The following TDRD3 variants were observed in gnomAD, a reference collection of about 807,000 sequenced individuals.
TDRD3 encodes the protein tudor domain containing 3, also known as tudor domain-containing protein 3.
A neutral mutation model predicts 86.7 loss-of-function variants in TDRD3; 45 were observed. The ratio of observed to expected loss-of-function variants is 0.52; its 90% CI spans 0.41 to 0.67. The LOEUF (loss-of-function observed/expected upper bound fraction) is 0.67. Among genes scored for constraint, TDRD3 ranks in the 30% least tolerant of loss-of-function variants. The pLI is 0.00. For missense variants in TDRD3, 814 were observed against 889.0 expected (o/e 0.92, Z 1.07); for synonymous variants, 298 against 301.7 (o/e 0.99, Z 0.13).
intron 4 of TDRD3, among the ~76,000 whole-genome samples, chr13:60,464,343 G>T (rs933145198): frequency 6.6e-6 from 1 of 152,136 alleles, no homozygotes; most frequent in African/African-American, 2.4e-5. Context: ...AAACGGTATG[G>T]CGGTTCCTAA....
intron 10 of TDRD3, among the ~76,000 whole-genome samples, chr13:60,521,591 T>G (rs1302209001): frequency 6.6e-6 from 1 of 152,150 alleles, no homozygotes; most frequent in Non-Finnish European, 1.5e-5. Context: ...GAGTCTACTT[T>G]TTGTTAAAAA....
intron 11 of TDRD3, among the ~76,000 whole-genome samples, 154 bp from the exon 12 acceptor site, chr13:60,534,954 G>A (rs958808205): frequency 1.0e-4 from 15 of 144,768 alleles, no homozygotes; most frequent in Admixed American, 6.9e-5. Flanking sequence ...AAAAAGAATT[G>A]TCTTACTAAT....
At chr13:60,520,673 A>G (rs969226321) in intron 10 of TDRD3, among the ~76,000 whole-genome samples, 1 of 152,192 alleles carries the variant, frequency 6.6e-6, no homozygotes, top group Non-Finnish European at 1.5e-5. Context: ...TCCACAGGAT[A>G]GAGGGCAATG....
chr13:60,504,026 A>G (rs1956886299), intron 8 of TDRD3, among the ~76,000 whole-genome samples: 1 of 152,236 alleles, frequency 6.6e-6, no homozygotes, highest in Non-Finnish European at 1.5e-5. Flanking sequence ...TCAATTTATG[A>G]AAAGATCATA....
At chr13:60,533,054 C>A (rs950124018) in intron 11 of TDRD3, among the ~76,000 whole-genome samples, 2 of 152,036 alleles carry the variant, frequency 1.3e-5, no homozygotes, top group Admixed American at 6.5e-5. Context: ...TTTGGCAACT[C>A]AGAACAATTC....
chr13:60,545,525 T>A (rs2137871832), intron 12 of TDRD3, among the ~76,000 whole-genome samples: 1 of 152,272 alleles, frequency 6.6e-6, no homozygotes, highest in Admixed American at 6.5e-5. Flanking sequence ...TTTAGGGACA[T>A]GTAATTTTAA....
Position 60,510,007 on chromosome 13 carries a change from G to A in TDRD3, c.1015+88G>A, listed in dbSNP as rs1957023580. ...TGACAGAGGCTGTTATTTCTGTGAGGGCTGTAATTTTGTTTAACATTATGG... is the reference window on the plus strand; with the variant it reads ...TGACAGAGGCTGTTATTTCTGTGAGAGCTGTAATTTTGTTTAACATTATGG... On this transcript the variant is annotated intron_variant, in intron 9 of 13. Coordinates refer to ENST00000377881, the MANE Select transcript of TDRD3 (RefSeq NM_001146070.2). 3 of 1,476,178 alleles carry A rather than the reference G, an allele frequency of 2.0e-6. No homozygotes were observed. In the South Asian group the frequency reaches 4.2e-5, roughly 20 times the overall value. 91.4% of individuals were successfully genotyped at this position (1,476,178 alleles called of 1,614,324 possible).
intron 10 of TDRD3, among the ~76,000 whole-genome samples, chr13:60,523,789 C>T (rs1188078345): frequency 2.0e-5 from 3 of 151,934 alleles, no homozygotes; most frequent in African/African-American, 7.3e-5. Flanking sequence ...GTTGGCCAGA[C>T]TAGTTTTGAA....
chr13:60,509,746 C>G lies in TDRD3; in HGVS notation c.859-17C>G. On this transcript the variant is annotated splice_polypyrimidine_tract_variant and intron_variant, in intron 8 of 13. Coordinates refer to ENST00000377881, the MANE Select transcript of TDRD3 (RefSeq NM_001146070.2). ...ATCTGTGGGCTATCAGCCAGCTTTT[C>G]TCTTTATTCCTTCCAGGTTGATGAG... 6.2e-7 allele frequency: 1 copy of G among 1,613,218 alleles called. No individual in the cohort carries two copies. The highest frequency in any genetic ancestry group is 8.5e-7 in the Non-Finnish European group (1 of 1,179,378).
chr13:60,411,403 T>C (rs1811085857), intron 1 of TDRD3, among the ~76,000 whole-genome samples: 1 of 152,224 alleles, frequency 6.6e-6, no homozygotes, highest in Non-Finnish European at 1.5e-5. Flanking sequence ...AACAGAGCCT[T>C]GACATTTTTA....
In TDRD3 at chr13:60,496,140, C is replaced by G. The variant is rs571980416; in HGVS notation, c.858+1565C>G. On this transcript the variant is annotated intron_variant, in intron 8 of 13. Transcript: ENST00000377881. ...AGACAGACTGGCCTAGGCTCCCAGC[C>G]TACATCTTTATCCTGTGCTGGATGC... Among the ~76,000 whole-genome samples the G allele has an allele frequency of 1.6e-4, 24 of 151,418 alleles. 1 individual carries two copies. The East Asian group carries it at 4.7e-3, about 30-fold the overall frequency.
intron 1 of TDRD3, among the ~76,000 whole-genome samples, chr13:60,429,377 A>G (rs991218359): frequency 6.6e-5 from 10 of 152,296 alleles, no homozygotes; most frequent in African/African-American, 2.2e-4. Context: ...AGTTTGAATG[A>G]CATTAAATAA....
At position 60,510,742 on chromosome 13, in the gene TDRD3, T is replaced by G. The variant is rs1442276521; in HGVS notation, c.1128T>G (p.Thr376=). ...LFDFLESKMG[T]LNVEEPKSQP... ...ATTTCTTGGAATCTAAAATGGGAAC[T>G]TTGAATGTGGAAGGTAAGCTAATTT... Residue 376 remains threonine (T), a synonymous_variant, in exon 10 of 14, where the codon ACT becomes ACG. Transcript: ENST00000377881. The G allele has an allele frequency of 6.4e-7, 1 of 1,571,852 alleles. No homozygotes were observed. The highest frequency in any genetic ancestry group is 8.6e-7 in the Non-Finnish European group (1 of 1,160,098).
At chr13:60,510,311 C>G (rs1345856245) in intron 9 of TDRD3, among the ~76,000 whole-genome samples, 1 of 152,036 alleles carries the variant, frequency 6.6e-6, no homozygotes, top group Non-Finnish European at 1.5e-5. Context: ...ATTGCATGGT[C>G]AAGTTTCTTA....
At chr13:60,562,033 G>C (rs1958346099) in intron 12 of TDRD3, among the ~76,000 whole-genome samples, 1 of 152,180 alleles carries the variant, frequency 6.6e-6, no homozygotes, top group Non-Finnish European at 1.5e-5. Flanking sequence ...AGCTGAGGCT[G>C]GGTGCAGTGG....
At chr13:60,456,165 G>A (rs1955665405) in intron 3 of TDRD3, among the ~76,000 whole-genome samples, 1 of 151,568 alleles carries the variant, frequency 6.6e-6, no homozygotes, top group African/African-American at 2.4e-5. Flanking sequence ...ATTGTTTTAA[G>A]TGTTTATCCA....
Position 60,483,825 on chromosome 13 carries a change from G to T in TDRD3, c.546G>T (p.Pro182=), listed in dbSNP as rs770819975. The change falls in exon 6 of 14, where the codon CCG becomes CCT. Residue 182 remains proline, a synonymous_variant. Coordinates refer to ENST00000377881, the MANE Select transcript of TDRD3 (RefSeq NM_001146070.2). The part of the protein sequence containing the change: ...RSNIGTEGGP[P]PFVPFGQKCV... ...ATATTGGAACTGAAGGTGGACCACC[G>T]CCTTTTGTGCCTTTTGGACAGGTAA... is the stretch of plus-strand genomic sequence containing the variant. The T allele has an allele frequency of 9.9e-6, 16 of 1,613,176 alleles. No homozygotes were observed. The highest frequency in any genetic ancestry group is 1.3e-5 in the African/African-American group (1 of 74,972).
At chr13:60,517,880 C>A (rs1437595071) in intron 10 of TDRD3, among the ~76,000 whole-genome samples, 2 of 152,150 alleles carry the variant, frequency 1.3e-5, no homozygotes, top group African/African-American at 2.4e-5. Context: ...AGCAATTTGA[C>A]AGTACCTAAA....
intron 1 of TDRD3, among the ~76,000 whole-genome samples, chr13:60,415,161 A>G (rs1954470388): frequency 6.6e-6 from 1 of 152,100 alleles, no homozygotes; most frequent in African/African-American, 2.4e-5. Flanking sequence ...GTTTTATAAC[A>G]GTGTTTAGGG....
Sources: gnomAD v4.1 joint callset for allele counts (sites outside exome capture counted in the v4.1 genomes callset) on GRCh38, gnomAD v4.1.1 for gene constraint, MANE v1.5 for transcripts, NCBI Gene and HGNC (gene_info 2026-07-23, HGNC 2026-07-21) for gene names.